The following SERPINI1 variants were observed in gnomAD, a reference collection of about 807,000 sequenced individuals.
SERPINI1 encodes the protein serpin family I member 1.
A neutral mutation model predicts 41.1 loss-of-function variants in SERPINI1; 19 were observed. The ratio of observed to expected loss-of-function variants is 0.46; its 90% CI spans 0.32 to 0.68. The LOEUF is 0.68. SERPINI1 is among the 30% of genes least tolerant of loss of function. SERPINI1 has a pLI of 0.03. For missense variants in SERPINI1, 460 were observed against 479.2 expected (o/e 0.96, Z 0.37); for synonymous variants, 138 against 156.6 (o/e 0.88, Z 0.89).
chr3:167,779,343 A>G (rs937540097), intron 1 of SERPINI1, among the ~76,000 whole-genome samples: 2 of 152,224 alleles, frequency 1.3e-5, no homozygotes, highest in African/African-American at 4.8e-5. Flanking sequence ...ATGAGAACCA[A>G]TTCAGGAAAG....
chr3:167,821,500 C>G (rs939006935), intron 6 of SERPINI1, among the ~76,000 whole-genome samples: 1 of 152,192 alleles, frequency 6.6e-6, no homozygotes, highest in Admixed American at 6.5e-5. Flanking sequence ...CTGCCTGCCC[C>G]ACAGTAGCCA....
intron 6 of SERPINI1, 31 bp from the exon 7 acceptor site, chr3:167,822,953 GAA>G (rs11284733): frequency 9.4e-5 from 109 of 1,163,600 alleles, no homozygotes; most frequent in Non-Finnish European, 1.3e-4. Context: ...ATCTCTGAAT[GAA>G]AAAAAAAAAT....
intron 5 of SERPINI1, among the ~76,000 whole-genome samples, chr3:167,802,373 C>G (rs1279128618): frequency 6.7e-6 from 1 of 150,180 alleles, no homozygotes; most frequent in Non-Finnish European, 1.5e-5. Context: ...TTGCAACCTA[C>G]TCATCTGACA....
intron 1 of SERPINI1, among the ~76,000 whole-genome samples, chr3:167,775,526 A>G (rs1262182170): frequency 1.3e-5 from 2 of 152,060 alleles, no homozygotes; most frequent in Non-Finnish European, 2.9e-5. Flanking sequence ...TATTAGCAAA[A>G]CAATTGGGGA....
Position 167,824,575 on chromosome 3 carries a change from T to C in SERPINI1, c.1156+13T>C. ...AACAGGAGAACTGGTAAGTTTATTA[T>C]GAAAACAAAATTTTATTTAATAGGT... On this transcript the variant is annotated intron_variant, in intron 8 of 8. Coordinates refer to ENST00000446050, the MANE Select transcript of SERPINI1 (RefSeq NM_001122752.2). 1.9e-6 allele frequency: 3 copies of C among 1,579,754 alleles called. No homozygotes were observed. Among genetic ancestry groups the C allele is most frequent in the Non-Finnish European group, 2.6e-6 (3 of 1,149,634 alleles).
chr3:167,799,621 G>A (rs1413740778), intron 5 of SERPINI1, among the ~76,000 whole-genome samples: 1 of 152,158 alleles, frequency 6.6e-6, no homozygotes, highest in Non-Finnish European at 1.5e-5. Context: ...TTGCCACACT[G>A]TCTTCCACAA....
At chr3:167,787,650 G>A (rs1293818724) in intron 1 of SERPINI1, among the ~76,000 whole-genome samples, 1 of 152,232 alleles carries the variant, frequency 6.6e-6, no homozygotes, top group South Asian at 2.1e-4. Flanking sequence ...CATCCCATTA[G>A]CAACGGAGGT....
chr3:167,741,503 G>C (rs1480051732), intron 1 of SERPINI1, among the ~76,000 whole-genome samples: 1 of 152,110 alleles, frequency 6.6e-6, no homozygotes, highest in Non-Finnish European at 1.5e-5. Context: ...TCATTTTCTT[G>C]ATAACCTAGA....
At chr3:167,794,858 T>C (rs1378753693) in intron 5 of SERPINI1, 34 bp downstream of exon 5, 2 of 1,541,378 alleles carry the variant, frequency 1.3e-6, no homozygotes, top group South Asian at 1.1e-5. Context: ...TCCCACAGCA[T>C]GGACGATGGG....
At position 167,776,200 on chromosome 3, in the gene SERPINI1, G is replaced by A. The variant is rs149472595; in HGVS notation, c.-18-12911G>A. 6.6e-5 allele frequency among the ~76,000 whole-genome samples: 10 copies of A among 152,280 alleles called. No individual in the cohort carries two copies. The East Asian group carries it at 1.9e-3, about 29-fold the overall frequency. On this transcript the variant is annotated intron_variant, in intron 1 of 8. Coordinates refer to ENST00000446050, the MANE Select transcript of SERPINI1 (RefSeq NM_001122752.2). The stretch of plus-strand genomic sequence containing the variant: ...CTTGATTGATGATGACTTTTTACCC[G>A]TCTCTCTGAAACTACTTGCTGAGTT...
chr3:167,757,192 C>A lies in SERPINI1; in HGVS notation c.-19+21369C>A, dbSNP rs142504694. 6.1e-3 allele frequency among the ~76,000 whole-genome samples: 930 copies of A among 152,238 alleles called. 6 individuals carry two copies. The highest frequency in any genetic ancestry group is 0.01 in the South Asian group (50 of 4,824). On this transcript the variant is annotated intron_variant, in intron 1 of 8. Coordinates refer to ENST00000446050, the MANE Select transcript of SERPINI1 (RefSeq NM_001122752.2). Reference sequence around the variant, plus strand: ...CAACCCTCCTGTTTTACTGATGAAGCCTAGAGCTTTTTCTAAGACCAGCTT... The same window carrying A: ...CAACCCTCCTGTTTTACTGATGAAGACTAGAGCTTTTTCTAAGACCAGCTT...
chr3:167,792,710 C>A lies in SERPINI1; in HGVS notation c.602C>A (p.Thr201Asn), dbSNP rs778816229. Residue 201 changes from threonine (T) to asparagine (N), a missense_variant, in exon 4 of 9, where the codon ACC (threonine) becomes AAC (asparagine). Thr to Asn is a moderately conservative substitution (Grantham distance 65, BLOSUM62 0). Coordinates refer to ENST00000446050, the MANE Select transcript of SERPINI1 (RefSeq NM_001122752.2). ...CAGTTTAGGCCTGAAAATACTAGAACCTTTTCTTTCACTAAAGATGATGAA... is the reference window on the plus strand; with the variant it reads ...CAGTTTAGGCCTGAAAATACTAGAAACTTTTCTTTCACTAAAGATGATGAA... Reference protein sequence around the residue: ...KSQFRPENTRTFSFTKDDESE... With the variant: ...KSQFRPENTRNFSFTKDDESE... 17 of 1,613,684 alleles carry A rather than the reference C, an allele frequency of 1.1e-5. No individual in the cohort carries two copies. Among genetic ancestry groups the A allele is most frequent in the Non-Finnish European group, 1.3e-5 (15 of 1,179,888 alleles).
In SERPINI1 at chr3:167,825,368, A is replaced by G. The variant is rs745528360; in HGVS notation, c.*45A>G. 2.5e-6 allele frequency: 3 copies of G among 1,206,876 alleles called. No individual in the cohort carries two copies. In the South Asian group the frequency reaches 3.6e-5, roughly 15 times the overall value. 74.8% of individuals were successfully genotyped at this position (1,206,876 alleles called of 1,614,324 possible). A position where few individuals can be genotyped will look rare whatever the true frequency, so the allele number is the denominator to read the frequency against. On this transcript the variant is annotated 3_prime_UTR_variant, in exon 9 of 9. Transcript: ENST00000446050. ...AAGGAAAACAGTAACTAAGCACATT[A>G]TGTTTGCAACTGGTATATATTTAGG...
chr3:167,766,412 A>G (rs1726568597), intron 1 of SERPINI1, among the ~76,000 whole-genome samples: 1 of 152,162 alleles, frequency 6.6e-6, no homozygotes, highest in Non-Finnish European at 1.5e-5. Flanking sequence ...TTTATTCACT[A>G]TCATGAGAAC....
intron 6 of SERPINI1, among the ~76,000 whole-genome samples, chr3:167,810,120 G>GC (rs1711818615): frequency 6.6e-6 from 1 of 151,940 alleles, no homozygotes; most frequent in Non-Finnish European, 1.5e-5. Flanking sequence ...TATAAAACTT[G>GC]CCCCTTTTTT....
Position 167,789,204 on chromosome 3 carries a change from A to G in SERPINI1, c.76A>G (p.Ile26Val), listed in dbSNP as rs372678518. The G allele has an allele frequency of 3.7e-5, 59 of 1,614,096 alleles. No homozygotes were observed. The highest frequency in any genetic ancestry group is 6.7e-5 in the Admixed American group (4 of 60,014). ...ATGATFPEEAIADLSVNMYNR... is the reference protein window; with the variant it reads ...ATGATFPEEAVADLSVNMYNR... ...AGGGGCCACTTTCCCTGAGGAAGCC[A>G]TTGCTGACTTGTCAGTGAATATGTA... Residue 26 changes from isoleucine (I) to valine (V), a missense_variant, in exon 2 of 9, where the codon ATT becomes GTT. Transcript: ENST00000446050.
At chr3:167,748,011 G>A (rs1368318649) in intron 1 of SERPINI1, among the ~76,000 whole-genome samples, 3 of 150,020 alleles carry the variant, frequency 2.0e-5, no homozygotes, top group Non-Finnish European at 3.0e-5. Flanking sequence ...TAAAGGAGGC[G>A]GAAATATCAG....
intron 1 of SERPINI1, among the ~76,000 whole-genome samples, chr3:167,763,722 T>C (rs1288410379): frequency 6.6e-6 from 1 of 152,138 alleles, no homozygotes; most frequent in Non-Finnish European, 1.5e-5. Flanking sequence ...GAGGTCAATA[T>C]GTAGAATTTC....
chr3:167,824,030 C>T (rs1712434427), intron 7 of SERPINI1, among the ~76,000 whole-genome samples: 1 of 152,126 alleles, frequency 6.6e-6, no homozygotes, highest in African/African-American at 2.4e-5. Context: ...GTAAAAATAC[C>T]CGCTTCAGAC....
Sources: allele counts gnomAD v4.1 joint callset (sites outside exome capture counted in the v4.1 genomes callset), GRCh38; gene constraint gnomAD v4.1.1; transcripts MANE v1.5; gene names NCBI Gene and HGNC (gene_info 2026-07-23, HGNC 2026-07-21).